Variants in DCC observed in about 807,000 individuals in gnomAD.
DCC encodes the protein netrin receptor DCC.
DCC carries 58 observed loss-of-function variants against 172.5 expected under a neutral mutation model. The observed-to-expected ratio is 0.34, with a 90% CI of 0.27 to 0.42. The LOEUF (loss-of-function observed/expected upper bound fraction) is 0.42. Among genes scored for constraint, DCC ranks in the 10% least tolerant of loss-of-function variants. DCC has a pLI of 1.00. For synonymous variants in DCC, 709 were observed against 644.5 expected, an observed-to-expected ratio of 1.10 and a Z score of -1.52; for missense variants, 1,740 against 1,791.0, an observed-to-expected ratio of 0.97 and a Z score of 0.51.
At chr18:52,537,547 G>C (rs368004172) in intron 1 of DCC, among the ~76,000 whole-genome samples, 1 of 152,024 alleles carries the variant, frequency 6.6e-6, no homozygotes. Context: ...TAACTTGGAG[G>C]CTTAAAATTA....
chr18:53,028,963 T>A (rs2041992466), intron 5 of DCC, among the ~76,000 whole-genome samples: 1 of 152,188 alleles, frequency 6.6e-6, no homozygotes, highest in African/African-American at 2.4e-5. Flanking sequence ...AGCTATAGTT[T>A]TAAGAGGGAG....
chr18:52,444,595 G>A (rs958828126), intron 1 of DCC, among the ~76,000 whole-genome samples: 1 of 152,128 alleles, frequency 6.6e-6, no homozygotes, highest in African/African-American at 2.4e-5. Flanking sequence ...TTTGAATATG[G>A]AATAGCTGAC....
At chr18:52,853,580 C>G (rs1473252254) in intron 2 of DCC, among the ~76,000 whole-genome samples, 1 of 152,158 alleles carries the variant, frequency 6.6e-6, no homozygotes, top group African/African-American at 2.4e-5. Context: ...TCCAATGATG[C>G]TGTCACGATT....
At chr18:52,890,731 G>A (rs909233250) in intron 2 of DCC, among the ~76,000 whole-genome samples, 51 of 152,042 alleles carry the variant, frequency 3.4e-4, no homozygotes, top group African/African-American at 1.2e-3. Flanking sequence ...ATCGATATGT[G>A]TCTCAAATAC....
At chr18:52,522,476 T>C (rs184668421) in intron 1 of DCC, among the ~76,000 whole-genome samples, 35 of 152,336 alleles carry the variant, frequency 2.3e-4, no homozygotes, top group African/African-American at 7.2e-4. Flanking sequence ...TCCTTTTTTC[T>C]TTCTCTAATT....
At chr18:52,793,569 A>T (rs1305704547) in intron 2 of DCC, among the ~76,000 whole-genome samples, 3 of 152,010 alleles carry the variant, frequency 2.0e-5, no homozygotes, top group Non-Finnish European at 4.4e-5. Context: ...TTTTACAAAT[A>T]TTTTCTCTCA....
chr18:52,877,511 C>A (rs2039420988), intron 2 of DCC, among the ~76,000 whole-genome samples: 2 of 151,910 alleles, frequency 1.3e-5, no homozygotes, highest in Non-Finnish European at 2.9e-5. Context: ...GAGTTCGGGA[C>A]CATCCTGGGC....
chr18:52,580,683 T>C (rs543231807), intron 1 of DCC, among the ~76,000 whole-genome samples: 33 of 152,282 alleles, frequency 2.2e-4, no homozygotes, highest in Non-Finnish European at 3.8e-4. Context: ...CAACACTGAG[T>C]TGGGATGCGC....
chr18:53,404,857 T>A (rs1909562247), intron 19 of DCC, among the ~76,000 whole-genome samples: 1 of 152,162 alleles, frequency 6.6e-6, no homozygotes, highest in South Asian at 2.1e-4. Flanking sequence ...TTACTTAGAT[T>A]TATACGTTCA....
intron 1 of DCC, among the ~76,000 whole-genome samples, chr18:52,574,163 T>G (rs1306449032): frequency 6.6e-6 from 1 of 152,208 alleles, no homozygotes; most frequent in Non-Finnish European, 1.5e-5. Context: ...GTTAAATCAT[T>G]TTAAAAATGT....
intron 7 of DCC, among the ~76,000 whole-genome samples, chr18:53,075,877 T>C (rs547402385): frequency 2.8e-4 from 43 of 152,270 alleles, no homozygotes; most frequent in Non-Finnish European, 5.3e-4. Flanking sequence ...AAGGCTGCAA[T>C]TGGTACTATT....
chr18:53,206,147 A>C (rs1445468115), intron 10 of DCC, among the ~76,000 whole-genome samples: 6 of 64 alleles, frequency 0.094, no homozygotes, highest in African/African-American at 0.21. Context: ...TATATTATAT[A>C]TTATATAATA....
At chr18:52,848,890 ACTT>A (rs2038934846) in intron 2 of DCC, among the ~76,000 whole-genome samples, 3 of 152,182 alleles carry the variant, frequency 2.0e-5, no homozygotes, top group Admixed American at 2.0e-4. Context: ...ACATTCAGCA[ACTT>A]CTTTATGATT....
At chr18:53,436,797 A>G (rs952821663) in intron 22 of DCC, among the ~76,000 whole-genome samples, 2 of 152,086 alleles carry the variant, frequency 1.3e-5, no homozygotes, top group Non-Finnish European at 1.5e-5. Flanking sequence ...GTAACTTATA[A>G]ACAACAGAAA....
At chr18:53,288,230 C>T (rs1598986193) in intron 12 of DCC, among the ~76,000 whole-genome samples, 1 of 152,048 alleles carries the variant, frequency 6.6e-6, no homozygotes, top group African/African-American at 2.4e-5. Flanking sequence ...ATTAAAGGAT[C>T]AACAAACCTT....
At chr18:53,341,490 T>C (rs374728698) in intron 15 of DCC, among the ~76,000 whole-genome samples, 33 of 152,276 alleles carry the variant, frequency 2.2e-4, no homozygotes, top group African/African-American at 7.9e-4. Context: ...TTTTTAAAGG[T>C]AAATTGGGAT....
chr18:53,131,774 G>A (rs1358350136), intron 7 of DCC, among the ~76,000 whole-genome samples: 1 of 152,024 alleles, frequency 6.6e-6, no homozygotes, highest in Admixed American at 6.6e-5. Context: ...CAGACAGTAA[G>A]TGTCACCTTA....
chr18:52,833,276 A>G (rs550182828), intron 2 of DCC, among the ~76,000 whole-genome samples: 11 of 152,256 alleles, frequency 7.2e-5, no homozygotes, highest in African/African-American at 2.4e-4. Flanking sequence ...CTCAAACCCA[A>G]AGATCCTTGG....
At chr18:52,472,495 CTG>C (rs140127679) in intron 1 of DCC, among the ~76,000 whole-genome samples, 6,269 of 152,294 alleles carry the variant, frequency 0.041, 179 homozygotes, top group South Asian at 0.12. Flanking sequence ...CAGACTTACT[CTG>C]TGCTATTTTC....
Sources: allele counts gnomAD v4.1 joint callset (sites outside exome capture counted in the v4.1 genomes callset), GRCh38; gene constraint gnomAD v4.1.1; transcripts MANE v1.5; gene names NCBI Gene and HGNC (gene_info 2026-07-23, HGNC 2026-07-21).